Variants in HMCN1 observed in about 807,000 individuals in gnomAD.
HMCN1 encodes hemicentin 1.
HMCN1 carries 321 observed loss-of-function variants against 625.9 expected under a neutral mutation model. That is an observed-to-expected ratio of 0.51 (90% CI 0.47 to 0.56). The LOEUF (loss-of-function observed/expected upper bound fraction) is 0.56. Ranked by LOEUF, HMCN1 falls within the 20% of genes least tolerant of loss-of-function variation. The pLI, the probability that HMCN1 is intolerant of heterozygous loss-of-function variation, is 0.00. For missense variants in HMCN1, 6,588 were observed against 6,887.3 expected (o/e 0.96, Z 1.54); for synonymous variants, 2,425 against 2,417.6 (o/e 1.00, Z -0.09).
Position 186,078,131 on chromosome 1 carries a change from G to A in HMCN1, c.8510G>A (p.Arg2837Gln), listed in dbSNP as rs1238145488. ...LPGGRVLQIP[R>Q]AKVEDAGRYT... Reference sequence around the variant, plus strand: ...GGAGGGCGAGTGTTGCAGATTCCTCGGGCTAAAGTAGAAGATGCTGGGAGA... The same window carrying A: ...GGAGGGCGAGTGTTGCAGATTCCTCAGGCTAAAGTAGAAGATGCTGGGAGA... The change falls in exon 55 of 107, where the codon CGG (arginine) becomes CAG (glutamine). Residue 2837 changes from arginine (R) to glutamine (Q), a missense_variant. Around this residue, in one of 3 missense-constraint regions of HMCN1, gnomAD observed 4,628 missense variants for 4,853.1 expected, o/e 0.95. Coordinates refer to ENST00000271588, the MANE Select transcript of HMCN1 (RefSeq NM_031935.3). The A allele has an allele frequency of 6.2e-6, 10 of 1,613,592 alleles. No individual in the cohort carries two copies. The East Asian group carries it at 8.9e-5, about 14-fold the overall frequency.
At chr1:186,143,676 G>A (rs1650111274) in intron 89 of HMCN1, among the ~76,000 whole-genome samples, 2 of 152,236 alleles carry the variant, frequency 1.3e-5, no homozygotes, top group Non-Finnish European at 1.5e-5. Context: ...AAGTACATAT[G>A]TAGATATGAA....
intron 41 of HMCN1, 78 bp from the exon 42 acceptor site, chr1:186,048,665 A>G: frequency 1.2e-6 from 1 of 858,802 alleles, no homozygotes; most frequent in South Asian, 1.4e-5. Context: ...AAAATAAGAA[A>G]TAGATCACAA....
intron 93 of HMCN1, among the ~76,000 whole-genome samples, chr1:186,146,771 G>A (rs1650341918): frequency 6.6e-6 from 1 of 152,116 alleles, no homozygotes; most frequent in Non-Finnish European, 1.5e-5. Context: ...GTCAGCTTCA[G>A]TTGATGCACT....
At chr1:186,074,947 AG>A in intron 53 of HMCN1, 56 bp downstream of exon 53, 1 of 1,416,638 alleles carries the variant, frequency 7.1e-7, no homozygotes, top group Non-Finnish European at 9.9e-7. Context: ...TCAAAGTAAA[AG>A]AAAAGAGATT....
chr1:185,974,959 T>C (rs1651093379), intron 15 of HMCN1, among the ~76,000 whole-genome samples: 1 of 152,196 alleles, frequency 6.6e-6, no homozygotes, highest in South Asian at 2.1e-4. Context: ...AAATCTGCCT[T>C]CATTTTCACT....
intron 4 of HMCN1, among the ~76,000 whole-genome samples, chr1:185,905,118 G>C (rs1666024576): frequency 6.6e-6 from 1 of 151,836 alleles, no homozygotes; most frequent in African/African-American, 2.4e-5. Context: ...CTTCAATGCA[G>C]AAAATTCAGT....
intron 36 of HMCN1, among the ~76,000 whole-genome samples, chr1:186,024,378 G>C (rs1654923104): frequency 6.6e-6 from 1 of 152,074 alleles, no homozygotes; most frequent in African/African-American, 2.4e-5. Context: ...TTCCATCTAA[G>C]AGTATGCTGG....
rs958767491 is a variant in HMCN1 at position 185,872,629 on chromosome 1, C to T, written c.621+6766C>T. 2.6e-5 allele frequency among the ~76,000 whole-genome samples: 4 copies of T among 152,044 alleles called. No homozygotes were observed. The East Asian group carries it at 5.8e-4, about 22-fold the overall frequency. On this transcript the variant is annotated intron_variant, in intron 4 of 106. Transcript: ENST00000271588. ...ATACCAAAAGTCAAGCAGAGCTCTC[C>T]TGCAGTCTGAAACAGCAGGGGATGA...
rs1394958386 is a variant in HMCN1 at position 186,018,192 on chromosome 1, G to A, written c.5310G>A (p.Lys1770=). 1 of 1,612,326 alleles carries A rather than the reference G, an allele frequency of 6.2e-7. No individual in the cohort carries two copies. The highest frequency in any genetic ancestry group is 8.5e-7 in the Non-Finnish European group (1 of 1,178,686). The part of the protein sequence containing the change: ...GSPPPTIMWL[K]DGQLIDERDG... ...TTGCCTTTTTCTATAGGTGGCTGAAGGATGGCCAGTTAATTGATGAAAGGG... is the reference window on the plus strand; with the variant it reads ...TTGCCTTTTTCTATAGGTGGCTGAAAGATGGCCAGTTAATTGATGAAAGGG... Residue 1770 remains lysine, a synonymous_variant, in exon 34 of 107, where the codon AAG becomes AAA. Transcript: ENST00000271588.
At chr1:185,852,585 C>T (rs1401665319) in intron 2 of HMCN1, among the ~76,000 whole-genome samples, 1 of 117,676 alleles carries the variant, frequency 8.5e-6, no homozygotes, top group Non-Finnish European at 1.6e-5. Context: ...CCTACACACA[C>T]ACACACACAC....
chr1:185,933,493 T>C (rs1000053729), intron 10 of HMCN1, 56 bp from the exon 11 acceptor site: 2 of 1,586,080 alleles, frequency 1.3e-6, no homozygotes, highest in Non-Finnish European at 1.7e-6. Context: ...ACCACATCTG[T>C]AAGTGAGCAA....
At chr1:185,988,033 G>A (rs1652128035) in intron 20 of HMCN1, among the ~76,000 whole-genome samples, 1 of 152,128 alleles carries the variant, frequency 6.6e-6, no homozygotes, top group African/African-American at 2.4e-5. Flanking sequence ...CCGGCACACA[G>A]GTTATGCTAC....
chr1:186,000,033 T>A lies in HMCN1; in HGVS notation c.3875-12T>A. 1 of 1,588,660 alleles carries A rather than the reference T, an allele frequency of 6.3e-7. No individual in the cohort carries two copies. The highest frequency in any genetic ancestry group is 8.6e-7 in the Non-Finnish European group (1 of 1,159,564). On this transcript the variant is annotated splice_polypyrimidine_tract_variant and intron_variant, in intron 25 of 106. Transcript: ENST00000271588. ...GTTGTAAAATATCACAAGACTTTAA[T>A]TTCTTATTTAGGTACCCCTAAACCA...
intron 6 of HMCN1, among the ~76,000 whole-genome samples, chr1:185,921,180 A>G (rs1014741802): frequency 3.9e-5 from 6 of 152,210 alleles, no homozygotes; most frequent in African/African-American, 1.4e-4. Flanking sequence ...TGTAACCTTT[A>G]TGCAAATGAG....
At chr1:186,169,162 C>G (rs896155738) in intron 100 of HMCN1, among the ~76,000 whole-genome samples, 1 of 152,108 alleles carries the variant, frequency 6.6e-6, no homozygotes, top group African/African-American at 2.4e-5. Flanking sequence ...TGAAGGACCT[C>G]TTCAAGGAGA....
intron 5 of HMCN1, among the ~76,000 whole-genome samples, chr1:185,910,674 G>A (rs1487558721): frequency 6.6e-6 from 1 of 150,512 alleles, no homozygotes; most frequent in Non-Finnish European, 1.5e-5. Context: ...GGGTTCAAAC[G>A]ATTCTCCTGC....
rs1350855400 is a variant in HMCN1 at position 186,190,890 on chromosome 1, A to G, written c.*1012A>G. On this transcript the variant is annotated 3_prime_UTR_variant, in exon 107 of 107. Coordinates refer to ENST00000271588, the MANE Select transcript of HMCN1 (RefSeq NM_031935.3). ...ATGGACTCTTTTATAAAATTATTTT[A>G]TAAAAAACAATGTTACACTAAAATC... 1 of 183,102 alleles carries G rather than the reference A, an allele frequency of 5.5e-6. No homozygotes were observed. The highest frequency in any genetic ancestry group is 1.2e-5 in the Non-Finnish European group (1 of 85,960). The allele number at this position is 183,102 out of a possible 1,614,324, so 11.3% of individuals were successfully genotyped here.
chr1:185,776,442 T>TTGTGTGTGTG (rs57003461), intron 1 of HMCN1, among the ~76,000 whole-genome samples: 1,890 of 147,066 alleles, frequency 0.013, 38 homozygotes, highest in African/African-American at 0.045. Context: ...TTGTATAGGG[T>TTGTGTGTGTG]TGTGTGTGTG....
At chr1:186,083,708 A>T (rs903377217) in intron 57 of HMCN1, among the ~76,000 whole-genome samples, 1 of 152,140 alleles carries the variant, frequency 6.6e-6, no homozygotes, top group Non-Finnish European at 1.5e-5. Context: ...CTGCCTTCTA[A>T]AGGACTTTTA....
Sources: gnomAD v4.1 joint callset for allele counts (sites outside exome capture counted in the v4.1 genomes callset) on GRCh38, gnomAD v4.1.1 for gene constraint, gnomAD v4.1.1 regional missense constraint, MANE v1.5 for transcripts, NCBI Gene and HGNC (gene_info 2026-07-23, HGNC 2026-07-21) for gene names.